The following RIMKLA variants were observed in gnomAD, a reference collection of about 807,000 sequenced individuals.
RIMKLA encodes the protein N-acetylaspartylglutamate synthase A.
RIMKLA carries 14 observed loss-of-function variants against 32.7 expected under a neutral mutation model. That is an observed-to-expected ratio of 0.43 (90% CI 0.28 to 0.67). The LOEUF (loss-of-function observed/expected upper bound fraction) is 0.67. Among genes scored for constraint, RIMKLA ranks in the 30% least tolerant of loss-of-function variants. The pLI is 0.18. For missense variants in RIMKLA, 410 were observed against 519.0 expected, an observed-to-expected ratio of 0.79 and a Z score of 2.04; for synonymous variants, 176 against 204.1, an observed-to-expected ratio of 0.86 and a Z score of 1.18.
intron 1 of RIMKLA, among the ~76,000 whole-genome samples, chr1:42,395,997 T>C (rs1051252125): frequency 2.0e-5 from 3 of 151,924 alleles, no homozygotes; most frequent in African/African-American, 4.8e-5. Context: ...TCCCAGCACT[T>C]TGGGAGGCTG....
At chr1:42,384,679 A>G (rs957810396) in intron 1 of RIMKLA, among the ~76,000 whole-genome samples, 3 of 151,330 alleles carry the variant, frequency 2.0e-5, no homozygotes, top group African/African-American at 7.3e-5. Context: ...GCATAGGTTT[A>G]GCTGCTTTTT....
Position 42,417,929 on chromosome 1 carries a change from CCG to C in RIMKLA, c.*2956_*2957del, listed in dbSNP as rs1327356188. On this transcript the variant is annotated 3_prime_UTR_variant, in exon 5 of 5. Transcript: ENST00000431473. ...CCAGCCTGGGTGACAGAGCGAGACT[CCG>C]TCTCAAAAAAAAAAAAAAAAAGCCA... 13 of 138,326 alleles carry C rather than the reference CCG, an allele frequency of 9.4e-5. No individual in the cohort carries two copies. The highest frequency in any genetic ancestry group is 3.6e-4 in the African/African-American group (13 of 36,384). The allele number at this position is 138,326 out of a possible 1,614,324, so 8.6% of individuals were successfully genotyped here. A position where few individuals can be genotyped will look rare whatever the true frequency, so the allele number is the denominator to read the frequency against.
intron 3 of RIMKLA, among the ~76,000 whole-genome samples, chr1:42,407,468 G>C (rs1403051869): frequency 1.3e-5 from 2 of 151,962 alleles, no homozygotes; most frequent in Non-Finnish European, 2.9e-5. Flanking sequence ...CCTTACCTTT[G>C]AGTCTTTGAT....
chr1:42,402,665 A>T (rs561749957), intron 2 of RIMKLA, among the ~76,000 whole-genome samples: 1 of 149,448 alleles, frequency 6.7e-6, no homozygotes, highest in African/African-American at 2.5e-5. Flanking sequence ...ATTGTGGCTC[A>T]CTGCAGCCTC....
At chr1:42,392,762 C>A (rs1643010856) in intron 1 of RIMKLA, among the ~76,000 whole-genome samples, 1 of 152,164 alleles carries the variant, frequency 6.6e-6, no homozygotes, top group Non-Finnish European at 1.5e-5. Flanking sequence ...GAGGCTGAGG[C>A]AGACAGATCA....
chr1:42,404,040 T>C (rs564520000), intron 2 of RIMKLA, among the ~76,000 whole-genome samples: 2 of 141,500 alleles, frequency 1.4e-5, no homozygotes, highest in East Asian at 3.9e-4. Flanking sequence ...TGTTTCACCA[T>C]TTTTTTTTTA....
In RIMKLA at chr1:42,416,488, T is replaced by C. The variant is rs1355354519; in HGVS notation, c.*1514T>C. 2.5e-5 allele frequency: 1 copy of C among 40,316 alleles called. No individual in the cohort carries two copies. Among genetic ancestry groups the C allele is most frequent in the Non-Finnish European group, 5.2e-5 (1 of 19,260 alleles). 2.5% of individuals were successfully genotyped at this position (40,316 alleles called of 1,614,324 possible). A position where few individuals can be genotyped will look rare whatever the true frequency, so the allele number is the denominator to read the frequency against. On this transcript the variant is annotated 3_prime_UTR_variant, in exon 5 of 5. Coordinates refer to ENST00000431473, the MANE Select transcript of RIMKLA (RefSeq NM_173642.4). ...AGCAGACTTATTTTCTAATGCTCTT[T>C]AGCTGTTAAAAAAAAAAAATCATTC...
chr1:42,412,786 A>G, intron 4 of RIMKLA: 1 of 293,370 alleles, frequency 3.4e-6, no homozygotes, highest in East Asian at 1.2e-4. Context: ...GGACATTGAC[A>G]TGCATCATTC....
At chr1:42,411,633 GTATTTT>G (rs944126623) in intron 4 of RIMKLA, among the ~76,000 whole-genome samples, 3 of 149,402 alleles carry the variant, frequency 2.0e-5, no homozygotes, top group Non-Finnish European at 4.4e-5. Context: ...GCTGATTTTT[GTATTTT>G]TATTTTTATT....
At chr1:42,411,617 C>T (rs577539247) in intron 4 of RIMKLA, among the ~76,000 whole-genome samples, 32 of 151,726 alleles carry the variant, frequency 2.1e-4, no homozygotes, top group Non-Finnish European at 3.4e-4. Flanking sequence ...TGTACCACCA[C>T]ACCTGGCTGA....
rs565009128 is a variant in RIMKLA at position 42,389,735 on chromosome 1, A to T, written c.163+8638A>T. ...AGGCTGAGGTGGGAGAATCGCTAGA[A>T]CCTGGGAGGCAAAGGTTACAGTGAG... On this transcript the variant is annotated intron_variant, in intron 1 of 4. Transcript: ENST00000431473. Among the ~76,000 whole-genome samples the T allele has an allele frequency of 1.2e-3, 173 of 147,696 alleles. 2 individuals carry two copies. The highest frequency in any genetic ancestry group is 4.1e-3 in the African/African-American group (164 of 40,288).
At position 42,380,924 on chromosome 1, in the gene RIMKLA, C is replaced by A; in HGVS notation, c.-11C>A. 7.2e-7 allele frequency: 1 copy of A among 1,396,878 alleles called. No homozygotes were observed. The allele number at this position is 1,396,878 out of a possible 1,614,324, so 86.5% of individuals were successfully genotyped here. ...GGTCCGCGCCGCGCGGGGCGCACCG[C>A]CCTGGCCGCCATGTGCTCCCAGCTC... On this transcript the variant is annotated 5_prime_UTR_variant, in exon 1 of 5. Transcript: ENST00000431473.
intron 1 of RIMKLA, among the ~76,000 whole-genome samples, chr1:42,398,117 C>T (rs748311899): frequency 1.1e-4 from 17 of 152,288 alleles, no homozygotes; most frequent in Non-Finnish European, 2.1e-4. Context: ...GAGTGCCTAC[C>T]GTGCAGCAGG....
At position 42,414,838 on chromosome 1, in the gene RIMKLA, C is replaced by T. The variant is rs377317775; in HGVS notation, c.1040C>T (p.Thr347Ile). Residue 347 changes from threonine to isoleucine, a missense_variant, in exon 5 of 5, where the codon ACC becomes ATC. Transcript: ENST00000431473. ...GTCTATACCATCAACAGTGGGTCTACCTCTAGTGAAAGTGAGCCTGAACTG... is the reference window on the plus strand; with the variant it reads ...GTCTATACCATCAACAGTGGGTCTATCTCTAGTGAAAGTGAGCCTGAACTG... ...ESVYTINSGS[T>I]SSESEPELGE... 90 of 1,614,056 alleles carry T rather than the reference C, an allele frequency of 5.6e-5. No individual in the cohort carries two copies. Among genetic ancestry groups the T allele is most frequent in the Non-Finnish European group, 7.3e-5 (86 of 1,180,044 alleles).
At position 42,416,719 on chromosome 1, in the gene RIMKLA, T is replaced by C. The variant is rs916682678; in HGVS notation, c.*1745T>C. On this transcript the variant is annotated 3_prime_UTR_variant, in exon 5 of 5. Coordinates refer to ENST00000431473, the MANE Select transcript of RIMKLA (RefSeq NM_173642.4). The stretch of plus-strand genomic sequence containing the variant: ...ATTACCGTACTTACTCTGCCATAAA[T>C]GTAAAATGTGTATAAAGTTAAGCTA... 6.6e-6 allele frequency: 1 copy of C among 152,242 alleles called. No individual in the cohort carries two copies. The highest frequency in any genetic ancestry group is 1.5e-5 in the Non-Finnish European group (1 of 68,042). 9.4% of individuals were successfully genotyped at this position (152,242 alleles called of 1,614,324 possible). A position where few individuals can be genotyped will look rare whatever the true frequency, so the allele number is the denominator to read the frequency against.
At chr1:42,385,965 A>C (rs938990918) in intron 1 of RIMKLA, among the ~76,000 whole-genome samples, 5 of 146,780 alleles carry the variant, frequency 3.4e-5, no homozygotes, top group African/African-American at 1.3e-4. Context: ...TCTGTCACCC[A>C]GGCTGGAGTG....
intron 1 of RIMKLA, among the ~76,000 whole-genome samples, chr1:42,394,758 C>T (rs1389990710): frequency 2.7e-5 from 4 of 149,698 alleles, no homozygotes; most frequent in East Asian, 1.9e-4. Flanking sequence ...TTTTTTGAGA[C>T]GGAGTTTCGC....
chr1:42,406,197 T>C (rs1453222297), intron 3 of RIMKLA, among the ~76,000 whole-genome samples: 16 of 152,276 alleles, frequency 1.1e-4, no homozygotes, highest in African/African-American at 3.6e-4. Flanking sequence ...ATATACATAA[T>C]GTTTTGGAAA....
At chr1:42,390,695 TAAG>T (rs1349017753) in intron 1 of RIMKLA, among the ~76,000 whole-genome samples, 11 of 152,134 alleles carry the variant, frequency 7.2e-5, no homozygotes, top group African/African-American at 1.4e-4. Context: ...AAGTGTAAGA[TAAG>T]AAGAGAAAGT....
Sources: allele counts gnomAD v4.1 joint callset (sites outside exome capture counted in the v4.1 genomes callset), GRCh38; gene constraint gnomAD v4.1.1; transcripts MANE v1.5; gene names NCBI Gene and HGNC (gene_info 2026-07-23, HGNC 2026-07-21).